Variants in TMIGD3 observed in about 807,000 individuals in gnomAD.
The protein encoded by TMIGD3 is AD026 protein (AD026).
A neutral mutation model predicts 28.1 loss-of-function variants in TMIGD3; 21 were observed. The ratio of observed to expected loss-of-function variants is 0.75; its 90% CI spans 0.53 to 1.08. TMIGD3 has a LOEUF of 1.08. Ranked by LOEUF, TMIGD3 falls within the 50% of genes least tolerant of loss-of-function variation. TMIGD3 has a pLI of 0.00. For missense variants in TMIGD3, 416 were observed against 435.6 expected, an observed-to-expected ratio of 0.96 and a Z score of 0.40; for synonymous variants, 151 against 162.1, an observed-to-expected ratio of 0.93 and a Z score of 0.52.
At chr1:111,505,102 T>G, upstream of TMIGD3, 1 of 730,062 alleles carries the variant, frequency 1.4e-6, no homozygotes, top group African/African-American at 2.1e-5. Flanking sequence ...CCAAGAGAAA[T>G]TTCTAGGAGG....
intron 5 of TMIGD3, 76 bp from the exon 6 acceptor site, chr1:111,483,833 G>A (rs1654233181): frequency 4.9e-6 from 6 of 1,217,682 alleles, no homozygotes; most frequent in Middle Eastern, 1.9e-4. Context: ...TGCAGCAAAA[G>A]TTCCAAACTC....
intron 1 of TMIGD3, among the ~76,000 whole-genome samples, chr1:111,491,678 C>CT (rs1654672086): frequency 6.6e-6 from 1 of 152,062 alleles, no homozygotes; most frequent in Non-Finnish European, 1.5e-5. Context: ...TCAAAAACCT[C>CT]TATGAGTTTC....
Position 111,503,382 on chromosome 1 carries a change from G to A in TMIGD3, c.-28C>T, listed in dbSNP as rs574879184. ...TGCCTTCCCAGGGGAACCTCCACAG[G>A]GACAGGTGAGCCAGCAAGATCCGTC... is the stretch of plus-strand genomic sequence containing the variant. On this transcript the variant is annotated 5_prime_UTR_variant, in exon 1 of 6. Transcript: ENST00000369716. 221 of 1,581,384 alleles carry A rather than the reference G, an allele frequency of 1.4e-4. No individual in the cohort carries two copies. The South Asian group carries it at 2.4e-3, about 17-fold the overall frequency.
chr1:111,498,701 T>G (rs1187948039), intron 1 of TMIGD3, among the ~76,000 whole-genome samples: 1 of 152,196 alleles, frequency 6.6e-6, no homozygotes, highest in African/African-American at 2.4e-5. Context: ...TTTTTTCTTC[T>G]GCAAAATGGA....
intron 1 of TMIGD3, among the ~76,000 whole-genome samples, chr1:111,493,203 A>G (rs75245531): frequency 0.097 from 14,722 of 152,220 alleles, 831 homozygotes; most frequent in Middle Eastern, 0.18. Flanking sequence ...TTGACCCTCC[A>G]AACCTCATGC....
intron 1 of TMIGD3, among the ~76,000 whole-genome samples, chr1:111,532,413 A>T (rs375868271): frequency 3.9e-5 from 6 of 152,218 alleles, no homozygotes; most frequent in African/African-American, 1.4e-4. Context: ...AGAAAATCTC[A>T]TTTGCACTCG....
At chr1:111,497,170 G>C (rs967295650) in intron 1 of TMIGD3, among the ~76,000 whole-genome samples, 3 of 152,128 alleles carry the variant, frequency 2.0e-5, no homozygotes, top group Non-Finnish European at 4.4e-5. Flanking sequence ...GAGTGCAGTG[G>C]CACGATCTCG....
At chr1:111,524,911 C>G (rs549084044) in intron 1 of TMIGD3, among the ~76,000 whole-genome samples, 1 of 152,294 alleles carries the variant, frequency 6.6e-6, no homozygotes, top group African/African-American at 2.4e-5. Flanking sequence ...TGAGCCACCC[C>G]TCTTGGCCTC....
At chr1:111,485,986 T>C (rs1654348910) in intron 4 of TMIGD3, 146 bp from the exon 5 acceptor site, 2 of 615,910 alleles carry the variant, frequency 3.2e-6, no homozygotes, top group African/African-American at 1.9e-5. Context: ...TCCTTTAGAG[T>C]GACCCTGTCC....
At chr1:111,551,761 G>GTTT (rs1176325796) in intron 1 of TMIGD3, among the ~76,000 whole-genome samples, 4 of 30,210 alleles carry the variant, frequency 1.3e-4, no homozygotes, top group Admixed American at 6.0e-4. Context: ...GTTTTGTTTT[G>GTTT]TTTTGTTTTT....
At chr1:111,530,521 C>T (rs947486855) in intron 1 of TMIGD3, among the ~76,000 whole-genome samples, 2 of 152,136 alleles carry the variant, frequency 1.3e-5, no homozygotes, top group Non-Finnish European at 2.9e-5. Flanking sequence ...TTACAAATTC[C>T]CTTACTTTTT....
intron 1 of TMIGD3, among the ~76,000 whole-genome samples, chr1:111,549,538 T>C (rs1056534310): frequency 2.1e-4 from 32 of 151,172 alleles, no homozygotes; most frequent in African/African-American, 7.8e-4. Flanking sequence ...TAGTCCCAGC[T>C]ACTAGGGAGG....
intron 1 of TMIGD3, among the ~76,000 whole-genome samples, chr1:111,494,449 A>G (rs978300491): frequency 1.3e-5 from 2 of 152,234 alleles, no homozygotes; most frequent in African/African-American, 4.8e-5. Context: ...TCAGGAATGC[A>G]ATCCCATTCA....
At chr1:111,546,826 A>G (rs544909465) in intron 1 of TMIGD3, among the ~76,000 whole-genome samples, 1 of 152,238 alleles carries the variant, frequency 6.6e-6, no homozygotes, top group African/African-American at 2.4e-5. Flanking sequence ...TTCTATTTGT[A>G]TTTTTTTGAG....
Position 111,503,123 on chromosome 1 carries a change from T to C in TMIGD3, c.232A>G (p.Ile78Val), listed in dbSNP as rs1442966207. 5 of 1,614,064 alleles carry C rather than the reference T, an allele frequency of 3.1e-6. No individual in the cohort carries two copies. Among genetic ancestry groups the C allele is most frequent in the Non-Finnish European group, 3.4e-6 (4 of 1,179,996 alleles). ...LAIVVSLGIT[I>V]HFYSCLFMTC... is the part of the protein sequence containing the mutation. ...ATAAAAAGGCAGCTGTAGAAGTGGA[T>C]TGTGATGCCCAGGCTGACAACAATG... Residue 78 changes from isoleucine (I) to valine (V), a missense_variant, in exon 1 of 6, where the codon ATC becomes GTC. Coordinates refer to ENST00000369716, the MANE Select transcript of TMIGD3 (RefSeq NM_020683.7).
rs1386626872 is a variant in TMIGD3, at chr1:111,485,801, C to A, written c.912G>T (p.Leu304Phe). 1 of 1,613,140 alleles carries A rather than the reference C, an allele frequency of 6.2e-7. No homozygotes were observed. Among genetic ancestry groups the A allele is most frequent in the Non-Finnish European group, 8.5e-7 (1 of 1,179,606 alleles). Residue 304 changes from leucine to phenylalanine, a missense_variant, in exon 5 of 6, where the codon TTG (leucine) becomes TTT (phenylalanine). Transcript: ENST00000369716. ...ILIICILITG[L>F]GIISVISHLT... is the part of the protein sequence containing the mutation. ...AATGACTGATTACAGAGATGATTCC[C>A]AAACCCGTGATCAGTATGCAAATGA...
intron 1 of TMIGD3, among the ~76,000 whole-genome samples, chr1:111,517,130 T>G (rs1655897565): frequency 6.6e-6 from 1 of 152,160 alleles, no homozygotes; most frequent in African/African-American, 2.4e-5. Flanking sequence ...CACACACACA[T>G]GCACACACTA....
At chr1:111,488,111 G>A (rs1054187687) in intron 3 of TMIGD3, among the ~76,000 whole-genome samples, 1 of 152,088 alleles carries the variant, frequency 6.6e-6, no homozygotes, top group African/African-American at 2.4e-5. Flanking sequence ...GGCTACCTCC[G>A]TATACTATTA....
chr1:111,519,164 C>T (rs111567437), intron 1 of TMIGD3, among the ~76,000 whole-genome samples: 11 of 152,168 alleles, frequency 7.2e-5, no homozygotes, highest in African/African-American at 2.7e-4. Flanking sequence ...GTCTCAAACT[C>T]CCGACCTCAG....
Sources: allele counts gnomAD v4.1 joint callset (sites outside exome capture counted in the v4.1 genomes callset), GRCh38; gene constraint gnomAD v4.1.1; transcripts MANE v1.5; gene names NCBI Gene and HGNC (gene_info 2026-07-23, HGNC 2026-07-21).